The following MRPL48 variants were observed in gnomAD, a reference collection of about 807,000 sequenced individuals.
MRPL48 encodes mitochondrial ribosomal protein L48, also known as large ribosomal subunit protein mL48.
A neutral mutation model predicts 32.9 loss-of-function variants in MRPL48; 16 were observed. The observed-to-expected ratio is 0.49, with a 90% CI of 0.33 to 0.74. The LOEUF (loss-of-function observed/expected upper bound fraction) is 0.74. Among genes scored for constraint, MRPL48 ranks in the 30% least tolerant of loss-of-function variants. The pLI, the probability that MRPL48 is intolerant of heterozygous loss-of-function variation, is 0.02. For missense variants in MRPL48, 206 were observed against 245.3 expected (o/e 0.84, Z 1.07); for synonymous variants, 94 against 89.2 (o/e 1.05, Z -0.31).
At chr11:73,856,756 C>G (rs1241207001) in intron 5 of MRPL48, among the ~76,000 whole-genome samples, 1 of 152,144 alleles carries the variant, frequency 6.6e-6, no homozygotes, top group African/African-American at 2.4e-5. Context: ...GGCAATACTT[C>G]CCCTAAATAG....
At chr11:73,852,393 C>CAAAAA (rs10554131) in intron 5 of MRPL48, among the ~76,000 whole-genome samples, 37 of 83,308 alleles carry the variant, frequency 4.4e-4, no homozygotes, top group East Asian at 1.8e-3. Flanking sequence ...AACTCTATAG[C>CAAAAA]AAAAAAAAAA....
chr11:73,861,612 G>A (rs750476023), intron 6 of MRPL48, among the ~76,000 whole-genome samples: 3 of 151,838 alleles, frequency 2.0e-5, no homozygotes, highest in Admixed American at 1.3e-4. Flanking sequence ...CAGGTGATCC[G>A]CCCACCTCAG....
chr11:73,828,660 C>T (rs1038871855), intron 4 of MRPL48, among the ~76,000 whole-genome samples: 3 of 151,816 alleles, frequency 2.0e-5, no homozygotes, highest in African/African-American at 4.8e-5. Context: ...AGATACAAAG[C>T]GCTATTAAAA....
At chr11:73,816,833 T>A (rs191920959) in intron 3 of MRPL48, among the ~76,000 whole-genome samples, 176 of 151,416 alleles carry the variant, frequency 1.2e-3, no homozygotes, top group East Asian at 6.8e-3. Context: ...GTTTATTATT[T>A]TTTTTTTTTT....
At chr11:73,862,991 C>T (rs949939948) in intron 6 of MRPL48, among the ~76,000 whole-genome samples, 181 bp from the exon 7 acceptor site, 2 of 152,198 alleles carry the variant, frequency 1.3e-5, no homozygotes, top group Non-Finnish European at 2.9e-5. Flanking sequence ...ATCTCAGCAC[C>T]TTGGCAGATG....
chr11:73,810,804 A>G (rs1159265303), intron 3 of MRPL48, among the ~76,000 whole-genome samples: 1 of 150,858 alleles, frequency 6.6e-6, no homozygotes, highest in Non-Finnish European at 1.5e-5. Flanking sequence ...GAGAACATCC[A>G]GTGTTTGTTT....
chr11:73,851,404 T>G (rs796718856), intron 5 of MRPL48, among the ~76,000 whole-genome samples: 7 of 152,326 alleles, frequency 4.6e-5, no homozygotes, highest in African/African-American at 1.7e-4. Context: ...ATTTGAACTT[T>G]TAAACCTTTA....
Position 73,864,857 on chromosome 11 carries a change from T to C in MRPL48, c.*487T>C, listed in dbSNP as rs577289360. 7 of 156,908 alleles carry C rather than the reference T, an allele frequency of 4.5e-5. No homozygotes were observed. In the South Asian group the frequency reaches 1.3e-3, roughly 29 times the overall value. The allele number at this position is 156,908 out of a possible 1,614,324, so 9.7% of individuals were successfully genotyped here. A position where few individuals can be genotyped will look rare whatever the true frequency, so the allele number is the denominator to read the frequency against. ...CCCAGGCTGGAGTGCAGTGGCACGA[T>C]CTAGACTCACTGCAAGCTCTGCCTC... On this transcript the variant is annotated 3_prime_UTR_variant, in exon 8 of 8. Transcript: ENST00000310614.
chr11:73,800,754 A>G (rs1947346012), intron 1 of MRPL48, among the ~76,000 whole-genome samples: 1 of 151,444 alleles, frequency 6.6e-6, no homozygotes, highest in Admixed American at 6.6e-5. Flanking sequence ...TGACCGGGAG[A>G]GTTCATACCA....
intron 2 of MRPL48, among the ~76,000 whole-genome samples, chr11:73,807,798 C>T (rs917031675): frequency 5.3e-5 from 8 of 151,958 alleles, no homozygotes; most frequent in South Asian, 2.1e-4. Flanking sequence ...CCACCAAACC[C>T]GGGTAATTTT....
At position 73,856,279 on chromosome 11, in the gene MRPL48, C is replaced by A. The variant is rs11235930; in HGVS notation, c.372-3628C>A. ...ATTGTTAGGCAATCTCACTACCCAGCCTTTCAGAGATGAAATTATTTTCTT... is the reference window on the plus strand; with the variant it reads ...ATTGTTAGGCAATCTCACTACCCAGACTTTCAGAGATGAAATTATTTTCTT... On this transcript the variant is annotated intron_variant, in intron 5 of 7. Transcript: ENST00000310614. Among the ~76,000 whole-genome samples, 61 of 152,242 alleles carry A rather than the reference C, an allele frequency of 4.0e-4. 1 individual carries two copies. The East Asian group carries it at 0.011, about 28-fold the overall frequency.
intron 4 of MRPL48, 47 bp from the exon 5 acceptor site, chr11:73,844,760 T>C: frequency 6.5e-7 from 1 of 1,543,212 alleles, no homozygotes; most frequent in Non-Finnish European, 8.8e-7. Flanking sequence ...TTATTAGAAT[T>C]TCTTGTATAA....
chr11:73,825,728 A>C lies in MRPL48; in HGVS notation c.133A>C (p.Ser45Arg). 6.4e-7 allele frequency: 1 copy of C among 1,565,516 alleles called. No homozygotes were observed. The highest frequency in any genetic ancestry group is 8.7e-7 in the Non-Finnish European group (1 of 1,154,922). Residue 45 changes from serine (S) to arginine (R), a missense_variant, in exon 4 of 8, where the codon AGT becomes CGT. Physicochemically the swap from Ser to Arg is moderately radical, Grantham distance 110. Transcript: ENST00000310614. ...YSVGGILLSI[S>R]RPYKTKPTHG... ...TTTAGGTGGAATTCTACTAAGTATC[A>C]GTCGGCCCTACAAGACAAAGCCCAC... is the stretch of plus-strand genomic sequence containing the variant.
chr11:73,828,213 G>A (rs976077334), intron 4 of MRPL48, among the ~76,000 whole-genome samples: 2 of 150,776 alleles, frequency 1.3e-5, no homozygotes, highest in Non-Finnish European at 3.0e-5. Flanking sequence ...TCAAGAGTGA[G>A]TTGCAAAATA....
At chr11:73,795,025 C>T (rs745312061) in intron 1 of MRPL48, among the ~76,000 whole-genome samples, 29 of 152,010 alleles carry the variant, frequency 1.9e-4, no homozygotes, top group Non-Finnish European at 3.2e-4. Context: ...ATTCTCCTGC[C>T]TCAGCCTCCC....
In MRPL48 at chr11:73,857,341, AG is replaced by A. The variant is rs1489617726; in HGVS notation, c.372-2564del. 2.0e-5 allele frequency among the ~76,000 whole-genome samples: 3 copies of A among 152,028 alleles called. No homozygotes were observed. The East Asian group carries it at 5.8e-4, about 29-fold the overall frequency. On this transcript the variant is annotated intron_variant, in intron 5 of 7. Transcript: ENST00000310614. ...GAGACAGGTTTTCACCATGTTAGCCAGGCTGGTCTCGAACTCCTGACCTCAG... is the reference window on the plus strand; with the variant it reads ...GAGACAGGTTTTCACCATGTTAGCCAGCTGGTCTCGAACTCCTGACCTCAG...
intron 1 of MRPL48, among the ~76,000 whole-genome samples, chr11:73,795,766 A>G (rs1466882915): frequency 6.6e-6 from 1 of 151,922 alleles, no homozygotes; most frequent in Admixed American, 6.6e-5. Flanking sequence ...TCAGCCTCCC[A>G]AAGTGCTGGG....
In MRPL48 at chr11:73,864,349, A is replaced by G; in HGVS notation, c.618A>G (p.Glu206=). The G allele has an allele frequency of 1.2e-6, 2 of 1,613,912 alleles. No individual in the cohort carries two copies. Among genetic ancestry groups the G allele is most frequent in the African/African-American group, 1.3e-5 (1 of 75,042 alleles). ...TCAAAGCTCGACCAGAACTGGAAGA[A>G]CTGTTGGCCAAGTTGAAGTAGCTAC... ...GRFKARPELE[E]LLAKLK is the part of the protein sequence containing the mutation. Residue 206 remains glutamate (E), a synonymous_variant, in exon 8 of 8, where the codon GAA becomes GAG. Coordinates refer to ENST00000310614, the MANE Select transcript of MRPL48 (RefSeq NM_016055.6).
rs549969097 is a variant in MRPL48 at position 73,864,301 on chromosome 11, T to C, written c.570T>C (p.Thr190=). The C allele has an allele frequency of 3.7e-6, 6 of 1,613,756 alleles. No individual in the cohort carries two copies. The highest frequency in any genetic ancestry group is 5.1e-6 in the Non-Finnish European group (6 of 1,179,806). The part of the protein sequence containing the change: ...EGVRLSVKEH[T]EEDFKGRFKA... The stretch of plus-strand genomic sequence containing the variant: ...TTTCTTTTTCTTCTCCTTAGCACAC[T>C]GAAGAAGACTTCAAGGGACGATTCA... Residue 190 remains threonine (T), a synonymous_variant, in exon 8 of 8, where the codon ACT becomes ACC. Transcript: ENST00000310614.
Sources: gnomAD v4.1 joint callset for allele counts (sites outside exome capture counted in the v4.1 genomes callset) on GRCh38, gnomAD v4.1.1 for gene constraint, MANE v1.5 for transcripts, NCBI Gene and HGNC (gene_info 2026-07-23, HGNC 2026-07-21) for gene names.